RARB: variants seen among roughly 807,000 people sequenced by gnomAD.
RARB encodes the protein retinoic acid receptor beta, also known as HBV-activated protein.
In RARB, 17 loss-of-function variants were observed where a neutral mutation model predicts 51.9. The observed-to-expected ratio is 0.33, with a 90% CI of 0.22 to 0.49. RARB has a LOEUF of 0.49. Ranked by LOEUF, RARB falls within the 20% of genes least tolerant of loss-of-function variation. RARB has a pLI of 0.99. For missense variants in RARB, 369 were observed against 550.8 expected, an observed-to-expected ratio of 0.67 and a Z score of 3.30; for synonymous variants, 215 against 195.4, an observed-to-expected ratio of 1.10 and a Z score of -0.84.
intron 5 of RARB, among the ~76,000 whole-genome samples, chr3:25,410,848 C>T (rs548011438): frequency 1.9e-4 from 29 of 152,332 alleles, no homozygotes; most frequent in African/African-American, 6.3e-4. Context: ...AATTCCTGCT[C>T]GCTGCCCCAA....
At chr3:25,345,949 T>C (rs1287019833) in intron 5 of RARB, 8 of 847,492 alleles carry the variant, frequency 9.4e-6, no homozygotes, top group Non-Finnish European at 9.9e-6. Flanking sequence ...TTAGTTTAGT[T>C]CATGATTCTA....
At chr3:25,265,132 C>G (rs1279018787) in intron 5 of RARB, among the ~76,000 whole-genome samples, 6 of 152,048 alleles carry the variant, frequency 3.9e-5, no homozygotes, top group Admixed American at 3.9e-4. Context: ...TGTAAGTTAC[C>G]CAGTTTATGG....
At chr3:24,864,314 G>T (rs1009427277) in intron 2 of RARB, among the ~76,000 whole-genome samples, 1 of 152,120 alleles carries the variant, frequency 6.6e-6, no homozygotes, top group African/African-American at 2.4e-5. Context: ...CTGGTTCCTT[G>T]TTCTTTTCCT....
At chr3:25,174,000 C>A in intron 4 of RARB, 1 of 156,246 alleles carries the variant, frequency 6.4e-6, no homozygotes, top group Non-Finnish European at 1.4e-5. Flanking sequence ...GAAGCAGTAA[C>A]TGTAGGAAGA....
upstream of RARB, chr3:25,428,230 G>A (rs1708054225): frequency 4.9e-6 from 6 of 1,230,104 alleles, no homozygotes; most frequent in East Asian, 6.3e-5. Context: ...AAGTTCACTC[G>A]CATATATTAG....
chr3:25,059,837 T>G (rs1203681862), intron 2 of RARB, among the ~76,000 whole-genome samples: 1 of 151,732 alleles, frequency 6.6e-6, no homozygotes, highest in Non-Finnish European at 1.5e-5. Flanking sequence ...AGAAATGTAG[T>G]CTTAGGTTGG....
chr3:25,046,324 T>C (rs1053519352), intron 2 of RARB, among the ~76,000 whole-genome samples: 2 of 152,172 alleles, frequency 1.3e-5, no homozygotes, highest in Non-Finnish European at 2.9e-5. Context: ...ATTCCCTAAG[T>C]GAATAGAGAC....
intron 5 of RARB, among the ~76,000 whole-genome samples, chr3:25,182,069 A>G (rs569229945): frequency 6.6e-6 from 1 of 152,354 alleles, no homozygotes; most frequent in Non-Finnish European, 1.5e-5. Context: ...CTTCTTTGGA[A>G]TTACATGTAG....
At chr3:25,251,237 T>C (rs151092744) in intron 5 of RARB, among the ~76,000 whole-genome samples, 1 of 152,190 alleles carries the variant, frequency 6.6e-6, no homozygotes, top group African/African-American at 2.4e-5. Flanking sequence ...TTATATTTTA[T>C]AGATATAGAA....
intron 5 of RARB, among the ~76,000 whole-genome samples, chr3:25,213,891 CCATT>C (rs1405915840): frequency 1.3e-5 from 2 of 152,146 alleles, no homozygotes; most frequent in Admixed American, 1.3e-4. Context: ...TTTTTGTAAA[CCATT>C]CATTTCCCAC....
intron 5 of RARB, among the ~76,000 whole-genome samples, chr3:25,304,501 C>T (rs777163441): frequency 5.3e-5 from 8 of 152,150 alleles, no homozygotes; most frequent in Non-Finnish European, 1.2e-4. Flanking sequence ...ACTTTTTCAT[C>T]GGCCTTGATC....
intron 3 of RARB, among the ~76,000 whole-genome samples, chr3:25,127,005 C>T (rs1161592432): frequency 2.6e-5 from 4 of 152,148 alleles, no homozygotes; most frequent in Non-Finnish European, 5.9e-5. Flanking sequence ...ATCCACCCCA[C>T]ATTCATCCTG....
chr3:25,445,626 C>CT (rs1708897301), intron 1 of RARB, among the ~76,000 whole-genome samples: 1 of 151,752 alleles, frequency 6.6e-6, no homozygotes, highest in Non-Finnish European at 1.5e-5. Flanking sequence ...GAGGTCGCGC[C>CT]ACTGCACTCC....
intron 3 of RARB, among the ~76,000 whole-genome samples, chr3:25,080,276 T>A (rs1448974264): frequency 6.6e-6 from 1 of 152,250 alleles, no homozygotes. Flanking sequence ...TTTCTTCTCA[T>A]TGATGAGTAA....
intron 5 of RARB, among the ~76,000 whole-genome samples, chr3:25,405,235 T>C (rs1018327647): frequency 1.3e-5 from 2 of 152,152 alleles, no homozygotes; most frequent in African/African-American, 4.8e-5. Context: ...ATCTACTATA[T>C]TGGCTGGGCA....
chr3:25,466,178 ATTGTT>A (rs200924850), intron 2 of RARB, among the ~76,000 whole-genome samples: 1 of 152,110 alleles, frequency 6.6e-6, no homozygotes, highest in Non-Finnish European at 1.5e-5. Context: ...ATGCTTAGTT[ATTGTT>A]TTGTTTTGTT....
At chr3:24,983,815 G>A (rs942917443) in intron 2 of RARB, among the ~76,000 whole-genome samples, 4 of 151,828 alleles carry the variant, frequency 2.6e-5, no homozygotes, top group Admixed American at 6.6e-5. Context: ...TTAAATGCAG[G>A]GGGGAGAGGG....
chr3:25,446,268 T>C (rs1708926111), intron 1 of RARB, among the ~76,000 whole-genome samples: 1 of 152,260 alleles, frequency 6.6e-6, no homozygotes, highest in African/African-American at 2.4e-5. Flanking sequence ...GTACAGTCAC[T>C]GTTAGGAGGA....
chr3:25,216,789 G>A (rs2196465), intron 5 of RARB, among the ~76,000 whole-genome samples: 113,785 of 150,240 alleles, frequency 0.76, 43,301 homozygotes, highest in Admixed American at 0.81. Flanking sequence ...AAAAATATAT[G>A]TATATATTAT....
Sources: gnomAD v4.1 joint callset for allele counts (sites outside exome capture counted in the v4.1 genomes callset) on GRCh38, gnomAD v4.1.1 for gene constraint, MANE v1.5 for transcripts, NCBI Gene and HGNC (gene_info 2026-07-23, HGNC 2026-07-21) for gene names.